The following BRINP3 variants were observed in gnomAD, a reference collection of about 807,000 sequenced individuals.
BRINP3 encodes the protein BMP/retinoic acid inducible neural specific 3.
BRINP3 carries 19 observed loss-of-function variants against 71.0 expected under a neutral mutation model. The observed-to-expected ratio is 0.27, with a 90% CI of 0.19 to 0.39. The LOEUF is 0.39. Among genes scored for constraint, BRINP3 ranks in the 10% least tolerant of loss-of-function variants. The probability of loss-of-function intolerance (pLI) is 1.00; values close to 1 mark genes in which losing one functional copy is unlikely to be tolerated. For synonymous variants in BRINP3, 380 were observed against 337.7 expected (o/e 1.13, Z -1.37); for missense variants, 959 against 940.8 (o/e 1.02, Z -0.25).
chr1:190,375,652 C>T (rs1670139232), intron 2 of BRINP3, among the ~76,000 whole-genome samples: 1 of 151,932 alleles, frequency 6.6e-6, no homozygotes, highest in Non-Finnish European at 1.5e-5. Context: ...TTCATCACCT[C>T]ATATAACTGG....
chr1:190,171,675 C>G (rs770498665), intron 6 of BRINP3, among the ~76,000 whole-genome samples: 3 of 152,048 alleles, frequency 2.0e-5, no homozygotes, highest in African/African-American at 4.8e-5. Context: ...TATTATTTAA[C>G]TATTAGGAAA....
chr1:190,181,919 G>T (rs1039937019), intron 6 of BRINP3, among the ~76,000 whole-genome samples: 1 of 151,754 alleles, frequency 6.6e-6, no homozygotes, highest in Non-Finnish European at 1.5e-5. Context: ...AATTATCTTA[G>T]TTTTCCTTCA....
At chr1:190,332,298 GC>G (rs922316513) in intron 2 of BRINP3, among the ~76,000 whole-genome samples, 113 of 152,120 alleles carry the variant, frequency 7.4e-4, no homozygotes, top group African/African-American at 2.6e-3. Context: ...AGGGCAAATT[GC>G]CCCAATGAAG....
intron 2 of BRINP3, among the ~76,000 whole-genome samples, chr1:190,317,519 C>T (rs1438902022): frequency 6.6e-6 from 1 of 152,062 alleles, no homozygotes; most frequent in Non-Finnish European, 1.5e-5. Flanking sequence ...TTTTATGTTG[C>T]ACATTATGCT....
intron 3 of BRINP3, among the ~76,000 whole-genome samples, chr1:190,273,289 T>G (rs545326507): frequency 6.6e-6 from 1 of 151,720 alleles, no homozygotes; most frequent in East Asian, 1.9e-4. Context: ...GTCATTTTTG[T>G]TCATTTTTTT....
intron 2 of BRINP3, among the ~76,000 whole-genome samples, chr1:190,352,188 T>G (rs1668432291): frequency 6.6e-6 from 1 of 152,064 alleles, no homozygotes; most frequent in African/African-American, 2.4e-5. Flanking sequence ...GTTTAGATGA[T>G]CAGGGAATTT....
intron 3 of BRINP3, among the ~76,000 whole-genome samples, chr1:190,277,038 T>C (rs1377242552): frequency 7.3e-6 from 1 of 137,530 alleles, no homozygotes; most frequent in Non-Finnish European, 1.6e-5. Flanking sequence ...TTTTCTAAAT[T>C]AACAAATCTT....
intron 7 of BRINP3, among the ~76,000 whole-genome samples, chr1:190,156,525 G>T (rs78907977): frequency 1.9e-3 from 279 of 145,326 alleles, no homozygotes; most frequent in Non-Finnish European, 1.8e-3. Context: ...TTTTTTTTTT[G>T]TTTTCCTGAT....
chr1:190,326,272 G>C (rs911485194), intron 2 of BRINP3, among the ~76,000 whole-genome samples: 1 of 152,082 alleles, frequency 6.6e-6, no homozygotes, highest in Non-Finnish European at 1.5e-5. Flanking sequence ...AAGTATTTGA[G>C]AAATATGGAG....
At chr1:190,240,044 TG>T (rs1658908588) in intron 4 of BRINP3, among the ~76,000 whole-genome samples, 1 of 151,676 alleles carries the variant, frequency 6.6e-6, no homozygotes, top group Admixed American at 6.6e-5. Flanking sequence ...GATATATAGA[TG>T]ATAAATTATC....
chr1:190,152,681 T>A (rs1475666142), intron 7 of BRINP3, among the ~76,000 whole-genome samples: 3 of 151,900 alleles, frequency 2.0e-5, no homozygotes, highest in African/African-American at 7.3e-5. Context: ...CTGGACAAAA[T>A]GTTGAGGTAC....
Position 190,420,628 on chromosome 1 carries a change from G to A in BRINP3, c.236+34027C>T, listed in dbSNP as rs147005292. On this transcript the variant is annotated intron_variant, in intron 2 of 7. Transcript: ENST00000367462. ...AAGTGTTAAGTTTTGAAAACTTTCC[G>A]TTTGGAGAAATGGCAACTTTCATGC... Among the ~76,000 whole-genome samples the A allele has an allele frequency of 4.7e-4, 72 of 151,982 alleles. 2 individuals carry two copies. Among genetic ancestry groups the A allele is most frequent in the African/African-American group, 1.7e-3 (69 of 41,524 alleles).
intron 2 of BRINP3, among the ~76,000 whole-genome samples, chr1:190,409,605 T>A (rs1571978026): frequency 1.3e-5 from 2 of 152,300 alleles, no homozygotes; most frequent in East Asian, 3.9e-4. Flanking sequence ...CAATTTCCCT[T>A]TAAGCATTTT....
intron 2 of BRINP3, among the ~76,000 whole-genome samples, chr1:190,380,930 C>G (rs574174481): frequency 8.5e-5 from 13 of 152,224 alleles, no homozygotes; most frequent in Non-Finnish European, 1.5e-4. Context: ...TATCCCTCCT[C>G]ATTATGATAT....
At chr1:190,118,952 C>T (rs945269618) in intron 7 of BRINP3, among the ~76,000 whole-genome samples, 17 of 152,078 alleles carry the variant, frequency 1.1e-4, no homozygotes, top group African/African-American at 3.9e-4. Context: ...CTCATCAGGC[C>T]ATTTTATGTT....
chr1:190,268,404 T>C (rs572208053), intron 3 of BRINP3, among the ~76,000 whole-genome samples: 11 of 152,224 alleles, frequency 7.2e-5, no homozygotes, highest in African/African-American at 2.6e-4. Flanking sequence ...TTGTAAATAC[T>C]TCTTTAAAGA....
At chr1:190,376,334 A>G (rs1199137183) in intron 2 of BRINP3, among the ~76,000 whole-genome samples, 1 of 152,040 alleles carries the variant, frequency 6.6e-6, no homozygotes, top group Non-Finnish European at 1.5e-5. Context: ...GCACATTTAA[A>G]AAATTCAATA....
intron 2 of BRINP3, among the ~76,000 whole-genome samples, chr1:190,426,067 A>G (rs1255427714): frequency 3.3e-5 from 5 of 151,844 alleles, no homozygotes; most frequent in African/African-American, 4.8e-5. Flanking sequence ...TGAAACATTC[A>G]TATCTTCAAT....
intron 2 of BRINP3, among the ~76,000 whole-genome samples, chr1:190,443,404 C>CA (rs560504461): frequency 0.047 from 3,451 of 73,408 alleles, 107 homozygotes; most frequent in African/African-American, 0.12. Flanking sequence ...GACTCCGTCT[C>CA]AAAAAAAAAA....
Sources: allele counts gnomAD v4.1 joint callset (sites outside exome capture counted in the v4.1 genomes callset), GRCh38; gene constraint gnomAD v4.1.1; transcripts MANE v1.5; gene names NCBI Gene and HGNC (gene_info 2026-07-23, HGNC 2026-07-21).